OPN3: variants seen among roughly 807,000 people sequenced by gnomAD.
OPN3 encodes the protein opsin-3.
In OPN3, 29 loss-of-function variants were observed where a neutral mutation model predicts 33.8. That is an observed-to-expected ratio of 0.86 (90% CI 0.64 to 1.17). The LOEUF is 1.17. Among genes scored for constraint, OPN3 ranks in the 50% most tolerant of loss-of-function variants. The pLI is 0.00. For missense variants in OPN3, 437 were observed against 514.1 expected (o/e 0.85, Z 1.45); for synonymous variants, 216 against 216.1 (o/e 1.00, Z 0.00).
chr1:241,636,277 C>T (rs1664893289), intron 1 of OPN3, among the ~76,000 whole-genome samples: 1 of 152,068 alleles, frequency 6.6e-6, no homozygotes, highest in African/African-American at 2.4e-5. Flanking sequence ...AAGAATCAGG[C>T]AACATAGTAA....
intron 1 of OPN3, among the ~76,000 whole-genome samples, chr1:241,623,057 G>A (rs1184249631): frequency 1.3e-5 from 2 of 151,182 alleles, no homozygotes; most frequent in African/African-American, 4.9e-5. Flanking sequence ...TTTTTTTAAA[G>A]AGTCTATACC....
intron 1 of OPN3, chr1:241,635,724 C>G (rs143275784): frequency 6.2e-7 from 1 of 1,613,564 alleles, no homozygotes; most frequent in African/African-American, 1.3e-5. Context: ...AAACCTGTCC[C>G]TATTATAACC....
At chr1:241,603,215 A>G (rs555144747) in intron 2 of OPN3, among the ~76,000 whole-genome samples, 1 of 152,272 alleles carries the variant, frequency 6.6e-6, no homozygotes, top group South Asian at 2.1e-4. Context: ...AACTGAAGAG[A>G]GAGTCCTAAG....
intron 1 of OPN3, among the ~76,000 whole-genome samples, chr1:241,611,963 C>G (rs948122843): frequency 6.6e-6 from 1 of 152,028 alleles, no homozygotes; most frequent in South Asian, 2.1e-4. Context: ...GAAGGAGAGA[C>G]GAGGAAGGTC....
intron 1 of OPN3, among the ~76,000 whole-genome samples, chr1:241,606,587 A>AAATAAATT (rs1353989870): frequency 8.6e-5 from 11 of 128,610 alleles, no homozygotes; most frequent in Non-Finnish European, 1.7e-4. Flanking sequence ...ATAAATAAAT[A>AAATAAATT]AAATAAATAA....
chr1:241,627,306 C>T (rs1180499607), intron 1 of OPN3, among the ~76,000 whole-genome samples: 2 of 35,388 alleles, frequency 5.7e-5, no homozygotes, highest in Non-Finnish European at 1.6e-4. Context: ...CAGAAGCCAC[C>T]ACTTTTTAAA....
intron 1 of OPN3, among the ~76,000 whole-genome samples, chr1:241,609,847 T>C (rs1288550091): frequency 6.6e-6 from 1 of 152,012 alleles, no homozygotes; most frequent in Non-Finnish European, 1.5e-5. Flanking sequence ...GACCAAGAGG[T>C]GGGAAGGTCA....
intron 1 of OPN3, among the ~76,000 whole-genome samples, chr1:241,626,558 G>A (rs1282777947): frequency 6.6e-6 from 1 of 152,022 alleles, no homozygotes; most frequent in Non-Finnish European, 1.5e-5. Context: ...ATCATTTTAG[G>A]AAATTAACTG....
intron 1 of OPN3, among the ~76,000 whole-genome samples, chr1:241,615,497 G>A (rs1664101255): frequency 6.6e-6 from 1 of 151,890 alleles, no homozygotes. Flanking sequence ...CCCCTATCTC[G>A]TATTTGCTTT....
At chr1:241,621,795 G>A (rs1041425051) in intron 1 of OPN3, among the ~76,000 whole-genome samples, 3 of 152,148 alleles carry the variant, frequency 2.0e-5, no homozygotes, top group African/African-American at 7.2e-5. Flanking sequence ...AGAGATGTGA[G>A]CCCAGGCATG....
chr1:241,640,293 G>A lies in OPN3; in HGVS notation c.-39C>T. The stretch of plus-strand genomic sequence containing the variant: ...CGCGCCTGGCGGGCGGAGGCGCTCA[G>A]CTTGCGGCGGGGCTCGCGGCGCGCT... On this transcript the variant is annotated 5_prime_UTR_variant, in exon 1 of 4. Coordinates refer to ENST00000366554, the MANE Select transcript of OPN3 (RefSeq NM_014322.3). 8.8e-7 allele frequency: 1 copy of A among 1,139,486 alleles called. No homozygotes were observed. The highest frequency in any genetic ancestry group is 1.1e-6 in the Non-Finnish European group (1 of 931,970). 70.6% of individuals were successfully genotyped at this position (1,139,486 alleles called of 1,614,324 possible).
At chr1:241,605,886 G>T (rs964284206) in intron 1 of OPN3, among the ~76,000 whole-genome samples, 1 of 152,176 alleles carries the variant, frequency 6.6e-6, no homozygotes, top group Non-Finnish European at 1.5e-5. Flanking sequence ...TCTAGCTAAC[G>T]TTTGTGTTAT....
intron 1 of OPN3, chr1:241,633,702 A>G: frequency 7.7e-7 from 1 of 1,303,522 alleles, no homozygotes; most frequent in South Asian, 1.3e-5. Flanking sequence ...ATATATAACC[A>G]CTTCTAATTA....
intron 1 of OPN3, among the ~76,000 whole-genome samples, chr1:241,625,244 G>C (rs1664383861): frequency 6.6e-6 from 1 of 152,200 alleles, no homozygotes; most frequent in Non-Finnish European, 1.5e-5. Flanking sequence ...ATTGCTTGGT[G>C]AACCACCAGT....
At chr1:241,601,834 A>G (rs1038131995) in intron 2 of OPN3, among the ~76,000 whole-genome samples, 1 of 152,258 alleles carries the variant, frequency 6.6e-6, no homozygotes, top group African/African-American at 2.4e-5. Flanking sequence ...CACATAGTCA[A>G]AGATTACTCC....
At chr1:241,619,812 C>A (rs1051411367) in intron 1 of OPN3, among the ~76,000 whole-genome samples, 1 of 152,156 alleles carries the variant, frequency 6.6e-6, no homozygotes, top group Non-Finnish European at 1.5e-5. Flanking sequence ...TAAAAGTGTT[C>A]CAGGACAAAT....
Position 241,640,216 on chromosome 1 carries a change from C to T in OPN3, c.39G>A (p.Trp13Ter), listed in dbSNP as rs1469667069. The T allele has an allele frequency of 2.2e-6, 3 of 1,341,864 alleles. No homozygotes were observed. The highest frequency in any genetic ancestry group is 2.8e-6 in the Non-Finnish European group (3 of 1,053,776). The allele number at this position is 1,341,864 out of a possible 1,614,324, so 83.1% of individuals were successfully genotyped here. ...CAGCGCCCGCGGCCCCGCCGCCGTCCCAGTAGCCGTGGCCGCCGCTGCGGT... is the reference window on the plus strand; with the variant it reads ...CAGCGCCCGCGGCCCCGCCGCCGTCTCAGTAGCCGTGGCCGCCGCTGCGGT... ...SGNRSGGHGYWDGGGAAGAEG... is the reference protein window; with the variant it reads ...SGNRSGGHGY Residue 13 changes from tryptophan to a stop codon, truncating the protein, a stop_gained, in exon 1 of 4, where the codon TGG (tryptophan) becomes TGA (stop). Transcript: ENST00000366554. LOFTEE classifies it high-confidence loss of function.
chr1:241,626,936 A>G (rs1269283513), intron 1 of OPN3, among the ~76,000 whole-genome samples: 1 of 152,104 alleles, frequency 6.6e-6, no homozygotes, highest in East Asian at 1.9e-4. Flanking sequence ...ATTCTGACTG[A>G]ATTATAATCA....
chr1:241,594,780 TA>T (rs1324944382), intron 3 of OPN3, 89 bp from the exon 4 acceptor site: 2 of 1,487,752 alleles, frequency 1.3e-6, no homozygotes, highest in Non-Finnish European at 1.8e-6. Flanking sequence ...GAGCTGAATT[TA>T]AGTTGTTTTT....
Sources: allele counts gnomAD v4.1 joint callset (sites outside exome capture counted in the v4.1 genomes callset), GRCh38; gene constraint gnomAD v4.1.1; transcripts MANE v1.5; gene names NCBI Gene and HGNC (gene_info 2026-07-23, HGNC 2026-07-21).